REPS2: variants seen among roughly 807,000 people sequenced by gnomAD.
REPS2 encodes the protein ralBP1-associated Eps domain-containing protein 2.
A neutral mutation model predicts 53.6 loss-of-function variants in REPS2; 23 were observed. The ratio of observed to expected loss-of-function variants is 0.43; its 90% confidence interval spans 0.31 to 0.61. The LOEUF (loss-of-function observed/expected upper bound fraction) is 0.61, where lower values mean the gene tolerates loss of function less well. Among genes scored for constraint, REPS2 ranks in the 20% least tolerant of loss-of-function variants. The pLI is 0.11. For missense variants in REPS2, 446 were observed against 534.9 expected, an observed-to-expected ratio of 0.83 and a Z score of 1.64; for synonymous variants, 238 against 218.6, an observed-to-expected ratio of 1.09 and a Z score of -0.78.
At chrX:17,171,282 C>T in the REPS2 span, among the ~76,000 whole-genome samples, 1 of 112,085 alleles carries the variant, frequency 8.9e-6, no homozygotes, top group African/African-American at 3.2e-5. Flanking sequence ...CCTGGTTCAC[C>T]TCACACCATA....
intron 13 of REPS2, among the ~76,000 whole-genome samples, chrX:17,082,421 T>C (rs144643825): frequency 8.9e-6 from 1 of 112,475 alleles, no homozygotes; most frequent in African/African-American, 3.2e-5. Flanking sequence ...AAGGGGATGT[T>C]GATGGTCAGT....
intron 9 of REPS2, among the ~76,000 whole-genome samples, chrX:17,062,966 A>T (rs1961490): frequency 0.38 from 42,211 of 110,775 alleles, 6,261 homozygotes; most frequent in East Asian, 0.83. Flanking sequence ...AGAACTTTAT[A>T]TGAGGGCCCC....
At position 17,152,316 on chromosome X, in the gene REPS2, T is replaced by C. The variant is rs2063576756; in HGVS notation, c.*4835T>C. 1 of 112,200 alleles carries C rather than the reference T, an allele frequency of 8.9e-6. No individual in the cohort carries two copies. The highest frequency in any genetic ancestry group is 3.2e-5 in the African/African-American group (1 of 30,886). 9.2% of individuals were successfully genotyped at this position (112,200 alleles called of 1,213,427 possible). A position where few individuals can be genotyped will look rare whatever the true frequency, so the allele number is the denominator to read the frequency against. ...TTTCTACACATGCCAACACACATGA[T>C]GATAAAGGAACCTTTTCTAGGAGGC... On this transcript the variant is annotated 3_prime_UTR_variant, in exon 18 of 18. Transcript: ENST00000357277.
At chrX:17,157,074 G>T (rs964439583), downstream of REPS2, among the ~76,000 whole-genome samples, 1 of 111,823 alleles carries the variant, frequency 8.9e-6, no homozygotes, top group African/African-American at 3.3e-5. Context: ...GGCAGAATTC[G>T]TAGACTATTT....
chrX:17,021,091 A>G (rs979558468), intron 2 of REPS2, among the ~76,000 whole-genome samples: 1 of 112,332 alleles, frequency 8.9e-6, no homozygotes, highest in African/African-American at 3.2e-5. Context: ...AGTCATTGAA[A>G]GTGCAGCTGT....
At chrX:17,108,962 G>A (rs188622263) in intron 14 of REPS2, among the ~76,000 whole-genome samples, 1 of 102,314 alleles carries the variant, frequency 9.8e-6, no homozygotes, top group African/African-American at 3.6e-5. Context: ...GAGCTTTACT[G>A]CAGATTTAAA....
chrX:17,035,735 G>C (rs2147880589), intron 5 of REPS2, among the ~76,000 whole-genome samples: 1 of 110,402 alleles, frequency 9.1e-6, no homozygotes, highest in African/African-American at 3.3e-5. Context: ...TCATCCCAGG[G>C]GCAACTGATA....
intron 1 of REPS2, among the ~76,000 whole-genome samples, chrX:16,987,989 GA>G (rs935739191): frequency 1.2e-4 from 13 of 106,878 alleles, no homozygotes; most frequent in African/African-American, 4.1e-4. Flanking sequence ...GAGCAGAAAG[GA>G]AAAAAAAAAT....
In REPS2 at chrX:17,150,117, T is replaced by C. The variant is rs2063555393; in HGVS notation, c.*2636T>C. 8.9e-6 allele frequency: 1 copy of C among 112,945 alleles called. No homozygotes were observed. Among genetic ancestry groups the C allele is most frequent in the South Asian group, 3.7e-4 (1 of 2,727 alleles). The allele number at this position is 112,945 out of a possible 1,213,427, so 9.3% of individuals were successfully genotyped here. A position where few individuals can be genotyped will look rare whatever the true frequency, so the allele number is the denominator to read the frequency against. On this transcript the variant is annotated 3_prime_UTR_variant, in exon 18 of 18. Transcript: ENST00000357277. ...CACACTACTATTATTATTACCTAAG[T>C]AGTGCTCATCCTCTCTTTCTGTGTT...
intron 13 of REPS2, among the ~76,000 whole-genome samples, chrX:17,093,047 T>C (rs964445298): frequency 1.9e-5 from 2 of 102,596 alleles, no homozygotes; most frequent in Non-Finnish European, 4.0e-5. Context: ...TTAGACAGAA[T>C]TGATAGAATG....
chrX:16,970,052 T>A (rs2060865233), intron 1 of REPS2, among the ~76,000 whole-genome samples: 1 of 112,406 alleles, frequency 8.9e-6, no homozygotes, highest in South Asian at 3.6e-4. Flanking sequence ...ATATTTTAAT[T>A]TAATAAATCT....
Position 17,006,278 on chromosome X carries a change from A to G in REPS2, c.331A>G (p.Ile111Val), listed in dbSNP as rs747345708. Residue 111 changes from isoleucine (I) to valine (V), a missense_variant, in exon 2 of 18, where the codon ATT becomes GTT. Ile to Val is a conservative substitution (Grantham distance 29). Coordinates refer to ENST00000357277, the MANE Select transcript of REPS2 (RefSeq NM_004726.3). ...VGYFGPTQFYIALKLIAAAQS... is the reference protein window; with the variant it reads ...VGYFGPTQFYVALKLIAAAQS... ...TTATTTTGGTCCAACACAGTTTTAC[A>G]TTGCCCTGAAATTAATTGCTGCAGC... 3.3e-6 allele frequency: 4 copies of G among 1,209,707 alleles called. No homozygotes were observed. Among genetic ancestry groups the G allele is most frequent in the Non-Finnish European group, 4.5e-6 (4 of 893,458 alleles).
At position 17,017,729 on chromosome X, in the gene REPS2, G is replaced by A. The variant is rs111479864; in HGVS notation, c.398-4394G>A. Among the ~76,000 whole-genome samples the A allele has an allele frequency of 4.6e-3, 518 of 111,459 alleles. 2 individuals carry two copies. The highest frequency in any genetic ancestry group is 0.016 in the African/African-American group (498 of 30,702). ...AAATACAGTAAAATACAGATTTCTG[G>A]CCACAATGGCTCACATTCCCATGTA... On this transcript the variant is annotated intron_variant, in intron 2 of 17. Transcript: ENST00000357277.
the REPS2 span, among the ~76,000 whole-genome samples, chrX:17,162,374 A>G: frequency 8.9e-6 from 1 of 112,634 alleles, no homozygotes; most frequent in Admixed American, 9.4e-5. Flanking sequence ...AAAAACATAA[A>G]TGGAAAAACT....
intron 13 of REPS2, among the ~76,000 whole-genome samples, chrX:17,086,026 T>C (rs1178636818): frequency 8.9e-6 from 1 of 112,147 alleles, no homozygotes; most frequent in African/African-American, 3.2e-5. Context: ...ACATTGCACT[T>C]GTTTTGGCAT....
intron 13 of REPS2, among the ~76,000 whole-genome samples, chrX:17,078,014 G>A (rs939054414): frequency 8.9e-6 from 1 of 112,351 alleles, no homozygotes; most frequent in African/African-American, 3.2e-5. Flanking sequence ...CTGGAGGTGG[G>A]GGAGGCCCAG....
intron 1 of REPS2, among the ~76,000 whole-genome samples, chrX:16,960,943 G>A (rs745860806): frequency 3.6e-5 from 4 of 112,215 alleles, no homozygotes; most frequent in Non-Finnish European, 7.5e-5. Context: ...ATTGATGAAA[G>A]AAATTGAAGA....
intron 1 of REPS2, among the ~76,000 whole-genome samples, chrX:16,953,225 G>A (rs193195579): frequency 1.1e-4 from 12 of 111,820 alleles, no homozygotes; most frequent in Non-Finnish European, 1.9e-4. Context: ...GAGAATGAAT[G>A]CCAGCAGATG....
chrX:17,019,310 C>A, intron 2 of REPS2, among the ~76,000 whole-genome samples: 1 of 112,078 alleles, frequency 8.9e-6, no homozygotes, highest in East Asian at 2.8e-4. Flanking sequence ...AGCAAATTGT[C>A]ATCTTGGATG....
Sources: allele counts gnomAD v4.1 joint callset (sites outside exome capture counted in the v4.1 genomes callset), GRCh38; gene constraint gnomAD v4.1.1; transcripts MANE v1.5; gene names NCBI Gene and HGNC (gene_info 2026-07-23, HGNC 2026-07-21).